The following C10orf143 variants were observed in gnomAD, a reference collection of about 807,000 sequenced individuals.
C10orf143 encodes uncharacterized protein C10orf143.
chr10:130,049,938 G>GA (rs1860717447), intron 3 of C10orf143, among the ~76,000 whole-genome samples: 2 of 152,224 alleles, frequency 1.3e-5, no homozygotes, highest in Non-Finnish European at 2.9e-5. Context: ...AGAGAAAGAG[G>GA]AAAATACACC....
In C10orf143 at chr10:130,082,478, G is replaced by A. The variant is rs892274585; in HGVS notation, c.70-2577C>T. On this transcript the variant is annotated intron_variant, in intron 1 of 3. Coordinates refer to ENST00000637128, the MANE Select transcript of C10orf143 (RefSeq NM_001355042.2). ...CATGTTGTGGGAGGGACCCAGTGGG[G>A]GATAATTGAATCATGGGGGCGGTTC... 3.9e-5 allele frequency among the ~76,000 whole-genome samples: 6 copies of A among 152,232 alleles called. No homozygotes were observed. In the East Asian group the frequency reaches 5.8e-4, roughly 15 times the overall value.
chr10:130,073,998 G>A (rs1536089), intron 3 of C10orf143, among the ~76,000 whole-genome samples: 18,102 of 152,056 alleles, frequency 0.12, 2,469 homozygotes, highest in African/African-American at 0.32. Flanking sequence ...TCAGCCCTGT[G>A]TCTTAGCCAA....
chr10:130,055,760 A>T (rs986705344), intron 3 of C10orf143, among the ~76,000 whole-genome samples: 1 of 152,162 alleles, frequency 6.6e-6, no homozygotes, highest in African/African-American at 2.4e-5. Context: ...CCTGGCCAAC[A>T]TGGTGAAACC....
intron 3 of C10orf143, among the ~76,000 whole-genome samples, chr10:130,048,831 C>T (rs1236531905): frequency 6.6e-6 from 1 of 152,050 alleles, no homozygotes; most frequent in Non-Finnish European, 1.5e-5. Flanking sequence ...GTCCCCCAAG[C>T]AGCTAGGAGT....
intron 1 of C10orf143, among the ~76,000 whole-genome samples, chr10:130,090,538 G>A (rs1861364580): frequency 1.3e-5 from 2 of 152,090 alleles, no homozygotes; most frequent in African/African-American, 4.8e-5. Flanking sequence ...ATACCCCAGT[G>A]GCACCTGGAA....
rs777976839 is a variant in C10orf143 at position 130,106,538 on chromosome 10, T to C, written c.69+4166A>G. 8 of 1,596,616 alleles carry C rather than the reference T, an allele frequency of 5.0e-6. No individual in the cohort carries two copies. In the Admixed American group the frequency reaches 1.0e-4, roughly 20 times the overall value. ...ATCTAAACATTCGCAACAAAATGAATTGATGGCGGATATTTCAAAAACGAT... is the reference window on the plus strand; with the variant it reads ...ATCTAAACATTCGCAACAAAATGAACTGATGGCGGATATTTCAAAAACGAT... On this transcript the variant is annotated intron_variant, in intron 1 of 3. Coordinates refer to ENST00000637128, the MANE Select transcript of C10orf143 (RefSeq NM_001355042.2).
At chr10:130,058,570 T>C (rs191049645) in intron 3 of C10orf143, among the ~76,000 whole-genome samples, 1 of 127,754 alleles carries the variant, frequency 7.8e-6, no homozygotes, top group East Asian at 2.3e-4. Context: ...ACTAGTAGGT[T>C]TTAAACAGCA....
intron 1 of C10orf143, among the ~76,000 whole-genome samples, chr10:130,082,695 TA>T (rs1359951182): frequency 1.3e-5 from 2 of 152,190 alleles, no homozygotes; most frequent in Non-Finnish European, 2.9e-5. Context: ...TTTTTCTTTA[TA>T]AATTACCCAG....
chr10:130,075,590 G>A (rs1049340863), intron 3 of C10orf143, among the ~76,000 whole-genome samples: 1 of 152,232 alleles, frequency 6.6e-6, no homozygotes, highest in Non-Finnish European at 1.5e-5. Context: ...GAGATGAGAA[G>A]CCAAACGGGG....
At chr10:130,104,658 T>C (rs2134815515) in intron 1 of C10orf143, 2 of 152,272 alleles carry the variant, frequency 1.3e-5, no homozygotes, top group Middle Eastern at 6.8e-3. Context: ...CTTTATCAAA[T>C]TAAGAGGCAA....
chr10:130,075,373 T>C (rs1474496155), intron 3 of C10orf143, among the ~76,000 whole-genome samples: 1 of 152,156 alleles, frequency 6.6e-6, no homozygotes, highest in Non-Finnish European at 1.5e-5. Context: ...CTGCCAGCAC[T>C]CTGGAGTGCC....
intron 3 of C10orf143, among the ~76,000 whole-genome samples, chr10:130,076,871 C>A (rs1682083219): frequency 2.6e-5 from 4 of 152,108 alleles, no homozygotes; most frequent in Non-Finnish European, 4.4e-5. Flanking sequence ...AGCCTCCTAG[C>A]CATGGCGATC....
At chr10:130,078,669 C>T (rs1156409033) in intron 3 of C10orf143, among the ~76,000 whole-genome samples, 1 of 152,148 alleles carries the variant, frequency 6.6e-6, no homozygotes, top group Admixed American at 6.5e-5. Flanking sequence ...TCATCAGACA[C>T]GGTGATGGCT....
chr10:130,077,850 T>C (rs994096999), intron 3 of C10orf143, among the ~76,000 whole-genome samples: 5 of 152,226 alleles, frequency 3.3e-5, no homozygotes, highest in African/African-American at 1.2e-4. Flanking sequence ...TCAAGAGGTG[T>C]GACTTTTCAA....
intron 3 of C10orf143, among the ~76,000 whole-genome samples, chr10:130,038,583 G>A (rs1171721): frequency 0.034 from 5,099 of 152,184 alleles, 279 homozygotes; most frequent in African/African-American, 0.12. Context: ...ATTAATTGGC[G>A]TTTGCTCGTT....
Position 130,064,115 on chromosome 10 carries a change from G to T in C10orf143, c.*239C>A. On this transcript the variant is annotated 3_prime_UTR_variant, in exon 4 of 4. Transcript: ENST00000637128. ...CAGGAACATTCGAAAGGAGGCTGTA[G>T]TACGTAGTAAGGATTTGGGGGCTCT... 2.7e-6 allele frequency: 1 copy of T among 370,388 alleles called. No individual in the cohort carries two copies. The highest frequency in any genetic ancestry group is 4.8e-6 in the Non-Finnish European group (1 of 209,152). The allele number at this position is 370,388 out of a possible 1,614,324, so 22.9% of individuals were successfully genotyped here.
chr10:130,091,533 C>T (rs7082237), intron 1 of C10orf143, among the ~76,000 whole-genome samples: 13,500 of 152,160 alleles, frequency 0.089, 769 homozygotes, highest in South Asian at 0.19. Context: ...CAACTCCTCG[C>T]CAGCAAGAGA....
chr10:130,061,312 T>C (rs911411197), downstream of C10orf143, among the ~76,000 whole-genome samples: 2 of 152,190 alleles, frequency 1.3e-5, no homozygotes, highest in African/African-American at 4.8e-5. Context: ...ATTTTTTTCT[T>C]TAATAAGTAT....
chr10:130,060,090 C>T (rs1485384303), downstream of C10orf143, among the ~76,000 whole-genome samples: 1 of 152,054 alleles, frequency 6.6e-6, no homozygotes, highest in African/African-American at 2.4e-5. Flanking sequence ...AGTGGCCGAT[C>T]ATCACTGGAG....
Sources: allele counts gnomAD v4.1 joint callset (sites outside exome capture counted in the v4.1 genomes callset), GRCh38; gene constraint gnomAD v4.1.1; transcripts MANE v1.5; gene names NCBI Gene and HGNC (gene_info 2026-07-23, HGNC 2026-07-21).